Variants in CLEC4G observed in about 807,000 individuals in gnomAD.
CLEC4G encodes C-type lectin superfamily 4, member G.
A neutral mutation model predicts 37.0 loss-of-function variants in CLEC4G; 34 were observed. The ratio of observed to expected loss-of-function variants is 0.92; its 90% CI spans 0.70 to 1.22. The LOEUF (loss-of-function observed/expected upper bound fraction) is 1.22, where lower values mean the gene tolerates loss of function less well. CLEC4G is among the 50% of genes most tolerant of loss of function. The pLI is 0.00. For missense variants in CLEC4G, 390 were observed against 392.9 expected (o/e 0.99, Z 0.06); for synonymous variants, 167 against 165.6 (o/e 1.01, Z -0.06).
Position 7,730,998 on chromosome 19 carries a change from G to A in CLEC4G, c.283+28C>T. The A allele has an allele frequency of 1.3e-6, 2 of 1,573,100 alleles. No homozygotes were observed. The highest frequency in any genetic ancestry group is 1.4e-5 in the African/African-American group (1 of 71,636). On this transcript the variant is annotated intron_variant, in intron 4 of 8. Coordinates refer to ENST00000328853, the MANE Select transcript of CLEC4G (RefSeq NM_198492.4). This position sits in a 1 kb window ranked among gnomAD's most constrained non-coding sequence, Gnocchi z 7.3. ...CGCGGCCGCAAGACCCCATCCCTGC[G>A]CCCACAGCCTCGACCGCGCCCCCTC...
chr19:7,729,685 A>G (rs1568499779), intron 8 of CLEC4G, 136 bp downstream of exon 8: 2 of 1,448,198 alleles, frequency 1.4e-6, no homozygotes, highest in Non-Finnish European at 1.8e-6. Context: ...TAACCTGAGG[A>G]CAGTTCCTGG....
In CLEC4G at chr19:7,730,426, C is replaced by T. The variant is rs762166801; in HGVS notation, c.403G>A (p.Ala135Thr). 1 of 1,601,466 alleles carries T rather than the reference C, an allele frequency of 6.2e-7. No individual in the cohort carries two copies. The highest frequency in any genetic ancestry group is 1.7e-5 in the Admixed American group (1 of 59,998). Residue 135 changes from alanine (A) to threonine (T), a missense_variant, in exon 6 of 9, where the codon GCT becomes ACT. By Grantham distance (58) the Ala-to-Thr change is moderately conservative. Transcript: ENST00000328853. The surrounding 1 kb of genome is among the most constrained non-coding windows in gnomAD (Gnocchi z 7.3). ...ELRERVTQGL[A>T]EAGRGREDVR... is the part of the protein sequence containing the mutation. The stretch of plus-strand genomic sequence containing the variant: ...TCCTCACGGCCCCTGCCGGCTTCAG[C>T]CAAGCCCTGGGTCACTGCGGGGTCA...
At position 7,732,110 on chromosome 19, in the gene CLEC4G, C is replaced by G; in HGVS notation, c.-8G>C. Reference sequence around the variant, plus strand: ...GTACCTGGTGGTGTCCATGGCGATGCAGGCACCCAGTCCTGGGCAGAGATA... The same window carrying G: ...GTACCTGGTGGTGTCCATGGCGATGGAGGCACCCAGTCCTGGGCAGAGATA... On this transcript the variant is annotated 5_prime_UTR_variant, in exon 1 of 9. Coordinates refer to ENST00000328853, the MANE Select transcript of CLEC4G (RefSeq NM_198492.4). The G allele has an allele frequency of 6.3e-7, 1 of 1,582,066 alleles. No individual in the cohort carries two copies. The highest frequency in any genetic ancestry group is 8.7e-7 in the Non-Finnish European group (1 of 1,150,602).
In CLEC4G at chr19:7,729,262, G is replaced by T; in HGVS notation, c.*104C>A. The T allele has an allele frequency of 1.2e-6, 1 of 803,166 alleles. No individual in the cohort carries two copies. Among genetic ancestry groups the T allele is most frequent in the East Asian group, 2.4e-5 (1 of 40,882 alleles). The allele number at this position is 803,166 out of a possible 1,614,324, so 49.8% of individuals were successfully genotyped here. A position where few individuals can be genotyped will look rare whatever the true frequency, so the allele number is the denominator to read the frequency against. On this transcript the variant is annotated 3_prime_UTR_variant, in exon 9 of 9. Transcript: ENST00000328853. The stretch of plus-strand genomic sequence containing the variant: ...TCTGAGACTCAGCAGCGGTGGATGA[G>T]GAAGAAAAAACTCTTTGGCAATCAG...
chr19:7,731,796 G>T, intron 1 of CLEC4G, 25 bp from the exon 2 acceptor site: 1 of 1,604,532 alleles, frequency 6.2e-7, no homozygotes, highest in Non-Finnish European at 8.5e-7. Flanking sequence ...ACGGCATGCT[G>T]GGTCCCCCAG....
chr19:7,730,921 G>GCCC lies in CLEC4G; in HGVS notation c.284-65_284-63dup, dbSNP rs1156254399. On this transcript the variant is annotated intron_variant, in intron 4 of 8. Transcript: ENST00000328853. This position sits in a 1 kb window ranked among gnomAD's most constrained non-coding sequence, Gnocchi z 7.3. ...GGATGGGGCGGGACTTCGGAGACCA[G>GCCC]CCCCCGCCCCGCACCACCCGCCGCA... 3.3e-6 allele frequency: 5 copies of GCCC among 1,497,856 alleles called. No homozygotes were observed. In the African/African-American group the frequency reaches 7.2e-5, roughly 22 times the overall value. The allele number at this position is 1,497,856 out of a possible 1,614,324, so 92.8% of individuals were successfully genotyped here.
intron 2 of CLEC4G, 41 bp downstream of exon 2, chr19:7,731,619 AG>A (rs752520074): frequency 1.9e-6 from 3 of 1,605,814 alleles, no homozygotes; most frequent in South Asian, 1.1e-5. Flanking sequence ...TTCTGTCCCC[AG>A]GGGGGCCGGA....
In CLEC4G at chr19:7,730,416, C is replaced by A. The variant is rs1002285656; in HGVS notation, c.413G>T (p.Gly138Val). ...AGTGCGGACGTCCTCACGGCCCCTG[C>A]CGGCTTCAGCCAAGCCCTGGGTCAC... The part of the protein sequence containing the change: ...ERVTQGLAEA[G>V]RGREDVRTEL... Residue 138 changes from glycine to valine, a missense_variant, in exon 6 of 9, where the codon GGC becomes GTC. By Grantham distance (109) the Gly-to-Val change is moderately radical. Coordinates refer to ENST00000328853, the MANE Select transcript of CLEC4G (RefSeq NM_198492.4). This position sits in a 1 kb window ranked among gnomAD's most constrained non-coding sequence, Gnocchi z 7.3. 1.9e-6 allele frequency: 3 copies of A among 1,601,820 alleles called. No homozygotes were observed. Among genetic ancestry groups the A allele is most frequent in the South Asian group, 2.2e-5 (2 of 91,066 alleles).
In CLEC4G at chr19:7,729,888, T is replaced by C. The variant is rs2033400427; in HGVS notation, c.676A>G (p.Arg226Gly). 1 of 1,613,836 alleles carries C rather than the reference T, an allele frequency of 6.2e-7. No individual in the cohort carries two copies. Among genetic ancestry groups the C allele is most frequent in the Non-Finnish European group, 8.5e-7 (1 of 1,179,988 alleles). Residue 226 changes from arginine (R) to glycine (G), a missense_variant, in exon 8 of 9, where the codon AGG becomes GGG. Transcript: ENST00000328853. ...ACCTTGCCCAGATGGCGCACAGCCC[T>C]CAGGCCCAGCCAGTAACCACGGCCA... ...TRGRGYWLGL[R>G]AVRHLGKVQG...
rs2033420706 is a variant in CLEC4G at position 7,730,928 on chromosome 19, C to T, written c.284-69G>A. Reference sequence around the variant, plus strand: ...GCGGGACTTCGGAGACCAGCCCCCGCCCCGCACCACCCGCCGCAGGCCTCC... The same window carrying T: ...GCGGGACTTCGGAGACCAGCCCCCGTCCCGCACCACCCGCCGCAGGCCTCC... On this transcript the variant is annotated intron_variant, in intron 4 of 8. Transcript: ENST00000328853. This position sits in a 1 kb window ranked among gnomAD's most constrained non-coding sequence, Gnocchi z 7.3. 2 of 1,484,422 alleles carry T rather than the reference C, an allele frequency of 1.3e-6. No homozygotes were observed. The highest frequency in any genetic ancestry group is 2.2e-5 in the Admixed American group (1 of 45,320). 92.0% of individuals were successfully genotyped at this position (1,484,422 alleles called of 1,614,324 possible).
rs765563381 is a variant in CLEC4G, at chr19:7,729,322, T to C, written c.*44A>G. The C allele has an allele frequency of 1.2e-5, 17 of 1,393,056 alleles. No homozygotes were observed. Among genetic ancestry groups the C allele is most frequent in the Non-Finnish European group, 1.0e-6 (1 of 983,440 alleles). 86.3% of individuals were successfully genotyped at this position (1,393,056 alleles called of 1,614,324 possible). A position where few individuals can be genotyped will look rare whatever the true frequency, so the allele number is the denominator to read the frequency against. On this transcript the variant is annotated 3_prime_UTR_variant, in exon 9 of 9. Coordinates refer to ENST00000328853, the MANE Select transcript of CLEC4G (RefSeq NM_198492.4). ...CCAGGGAGGTGAGCAGCCCCCAGGA[T>C]ACGACATGCTGCAATGGGCGCGGCT... is the stretch of plus-strand genomic sequence containing the variant.
Position 7,730,004 on chromosome 19 carries a change from C to G in CLEC4G, c.627+15G>C. The G allele has an allele frequency of 1.3e-6, 2 of 1,596,692 alleles. No homozygotes were observed. Among genetic ancestry groups the G allele is most frequent in the Non-Finnish European group, 1.7e-6 (2 of 1,173,014 alleles). ...CCTGCCCCACCGCCTGACCACGCCC[C>G]CTCCCCCTGCGCACCTGCTCATCCA... On this transcript the variant is annotated intron_variant, in intron 7 of 8. Transcript: ENST00000328853. This position sits in a 1 kb window ranked among gnomAD's most constrained non-coding sequence, Gnocchi z 7.3.
chr19:7,732,032 G>C lies in CLEC4G; in HGVS notation c.55+16C>G, dbSNP rs2033441029. On this transcript the variant is annotated intron_variant, in intron 1 of 8. Transcript: ENST00000328853. Reference sequence around the variant, plus strand: ...CAGACACTGGGGCAGGGATGGGGCAGTCTCCTTGCTCATACCTCCGGGGAC... The same window carrying C: ...CAGACACTGGGGCAGGGATGGGGCACTCTCCTTGCTCATACCTCCGGGGAC... The C allele has an allele frequency of 6.3e-7, 1 of 1,587,696 alleles. No homozygotes were observed. The highest frequency in any genetic ancestry group is 8.6e-7 in the Non-Finnish European group (1 of 1,156,092).
chr19:7,731,080 G>C lies in CLEC4G; in HGVS notation c.229C>G (p.Gln77Glu), dbSNP rs990141116. 5 of 1,605,282 alleles carry C rather than the reference G, an allele frequency of 3.1e-6. No individual in the cohort carries two copies. The African/African-American group carries it at 5.3e-5, about 17-fold the overall frequency. ...TTCAGGGCACCCAGCGCCGCCGTCTGCTTCGAGGCTGGAACGACCCCCGCC... is the reference window on the plus strand; with the variant it reads ...TTCAGGGCACCCAGCGCCGCCGTCTCCTTCGAGGCTGGAACGACCCCCGCC... ...HDLLRTNASK[Q>E]TAALGALKEE... The change falls in exon 4 of 9, where the codon CAG becomes GAG. Residue 77 changes from glutamine (Q) to glutamate (E), a missense_variant. Physicochemically the swap from Gln to Glu is conservative, Grantham distance 29 (BLOSUM62 2). Transcript: ENST00000328853.
rs762441524 is a variant in CLEC4G, at chr19:7,731,782, A to T, written c.56-11T>A. The T allele has an allele frequency of 6.2e-7, 1 of 1,610,448 alleles. No individual in the cohort carries two copies. The highest frequency in any genetic ancestry group is 8.5e-7 in the Non-Finnish European group (1 of 1,178,436). On this transcript the variant is annotated splice_polypyrimidine_tract_variant and intron_variant, in intron 1 of 8. Transcript: ENST00000328853. ...AGCGTCCCCAGGGCCCTGGCATAACAAGGACGGCATGCTGGGTCCCCCAGA... is the reference window on the plus strand; with the variant it reads ...AGCGTCCCCAGGGCCCTGGCATAACTAGGACGGCATGCTGGGTCCCCCAGA...
chr19:7,729,972 G>A, intron 7 of CLEC4G, 36 bp from the exon 8 acceptor site: 1 of 1,608,626 alleles, frequency 6.2e-7, no homozygotes. Context: ...TGCAGAGTCC[G>A]CCCCGCCCTG....
Position 7,731,065 on chromosome 19 carries a change from C to G in CLEC4G, c.244G>C (p.Gly82Arg). The G allele has an allele frequency of 6.2e-7, 1 of 1,606,072 alleles. No homozygotes were observed. Among genetic ancestry groups the G allele is most frequent in the Admixed American group, 1.7e-5 (1 of 60,002 alleles). Residue 82 changes from glycine to arginine, a missense_variant, in exon 4 of 9, where the codon GGT becomes CGT. Transcript: ENST00000328853. Reference sequence around the variant, plus strand: ...TCTCCGACCTCCTCCTTCAGGGCACCCAGCGCCGCCGTCTGCTTCGAGGCT... The same window carrying G: ...TCTCCGACCTCCTCCTTCAGGGCACGCAGCGCCGCCGTCTGCTTCGAGGCT... Reference protein sequence around the residue: ...TNASKQTAALGALKEEVGDCH... With the variant: ...TNASKQTAALRALKEEVGDCH...
rs1045346011 is a variant in CLEC4G at position 7,730,306 on chromosome 19, C to T, written c.478+45G>A. ...GCCAAGGTCCAGGAGTGACAGGGTC[C>T]GCTTACGCCCTCACAGCCCGCCCCC... On this transcript the variant is annotated intron_variant, in intron 6 of 8. Coordinates refer to ENST00000328853, the MANE Select transcript of CLEC4G (RefSeq NM_198492.4). The surrounding 1 kb of genome is among the most constrained non-coding windows in gnomAD (Gnocchi z 7.3). 1 of 1,582,070 alleles carries T rather than the reference C, an allele frequency of 6.3e-7. No individual in the cohort carries two copies. The highest frequency in any genetic ancestry group is 2.2e-5 in the East Asian group (1 of 44,606).
intron 1 of CLEC4G, 79 bp downstream of exon 1, chr19:7,731,969 C>G: frequency 1.4e-6 from 2 of 1,455,570 alleles, no homozygotes; most frequent in South Asian, 1.2e-5. Flanking sequence ...ACAACCCTGG[C>G]CTGTCTCGAC....
Sources: gnomAD v4.1 joint callset for allele counts on GRCh38, gnomAD v4.1.1 for gene constraint, Gnocchi (gnomAD v3.1) non-coding constraint, MANE v1.5 for transcripts, NCBI Gene and HGNC (gene_info 2026-07-23, HGNC 2026-07-21) for gene names.